COL27A1: variants seen among roughly 807,000 people sequenced by gnomAD.
The protein encoded by COL27A1 is collagen type XXVII alpha 1 chain.
Under a neutral mutation model 251.3 loss-of-function variants are expected in COL27A1, and 106 were observed. The observed-to-expected ratio is 0.42, with a 90% CI of 0.36 to 0.50. The LOEUF (loss-of-function observed/expected upper bound fraction) is 0.50. Among genes scored for constraint, COL27A1 ranks in the 20% least tolerant of loss-of-function variants. COL27A1 has a pLI of 0.00. For synonymous variants in COL27A1, 1,000 were observed against 986.3 expected (o/e 1.01, Z -0.26); for missense variants, 2,325 against 2,522.8 (o/e 0.92, Z 1.68).
At chr9:114,248,495 G>T (rs1588762364) in intron 24 of COL27A1, among the ~76,000 whole-genome samples, 1 of 152,208 alleles carries the variant, frequency 6.6e-6, no homozygotes, top group South Asian at 2.1e-4. Flanking sequence ...TGCCTGTGCG[G>T]TGCCCGCTGT....
chr9:114,286,980 C>G (rs959812311), intron 41 of COL27A1, among the ~76,000 whole-genome samples: 1 of 152,320 alleles, frequency 6.6e-6, no homozygotes. Flanking sequence ...TAGGTAGACA[C>G]AGGCAGGCCC....
intron 25 of COL27A1, among the ~76,000 whole-genome samples, chr9:114,252,032 C>T (rs567444493): frequency 1.1e-4 from 17 of 152,324 alleles, no homozygotes; most frequent in East Asian, 3.9e-4. Context: ...CAGAGCCTCA[C>T]GAAAACAGAG....
At chr9:114,282,374 G>A (rs62555441) in intron 38 of COL27A1, 44 bp downstream of exon 38, 145,393 of 1,609,126 alleles carry the variant, frequency 0.09, 7,076 homozygotes, top group Non-Finnish European at 0.1. Flanking sequence ...TCCCTCCCCC[G>A]CATCCCTTCC....
intron 12 of COL27A1, 124 bp from the exon 13 acceptor site, chr9:114,219,667 C>T (rs1830944478): frequency 2.8e-6 from 2 of 710,136 alleles, no homozygotes; most frequent in African/African-American, 3.5e-5. Context: ...ACTGTCTGCC[C>T]ATGACCAAGG....
chr9:114,234,971 G>A (rs529652360), intron 16 of COL27A1, among the ~76,000 whole-genome samples: 41 of 151,552 alleles, frequency 2.7e-4, no homozygotes, highest in African/African-American at 9.7e-4. Flanking sequence ...CCCAGCTACT[G>A]GGGAGGCTGA....
At chr9:114,304,342 G>A (rs1413067216) in intron 56 of COL27A1, among the ~76,000 whole-genome samples, 2 of 152,238 alleles carry the variant, frequency 1.3e-5, no homozygotes, top group Non-Finnish European at 2.9e-5. Flanking sequence ...CATGGCTCAA[G>A]ACCACAGTGT....
chr9:114,226,029 C>T (rs1038136185), intron 14 of COL27A1, among the ~76,000 whole-genome samples: 1 of 152,152 alleles, frequency 6.6e-6, no homozygotes, highest in East Asian at 1.9e-4. Flanking sequence ...AGAGGGCCTC[C>T]ACACAGCCCT....
At chr9:114,247,868 C>T (rs980984458) in intron 24 of COL27A1, among the ~76,000 whole-genome samples, 2 of 152,128 alleles carry the variant, frequency 1.3e-5, no homozygotes, top group South Asian at 2.1e-4. Flanking sequence ...AGTACTGGGT[C>T]GGTGCAAAAG....
At chr9:114,213,913 G>T (rs1210577255) in intron 12 of COL27A1, among the ~76,000 whole-genome samples, 1 of 152,152 alleles carries the variant, frequency 6.6e-6, no homozygotes, top group Non-Finnish European at 1.5e-5. Context: ...GTTGTTCCCT[G>T]GCACTGGGGT....
At chr9:114,222,479 G>T (rs897741457) in intron 14 of COL27A1, among the ~76,000 whole-genome samples, 1 of 152,156 alleles carries the variant, frequency 6.6e-6, no homozygotes, top group South Asian at 2.1e-4. Context: ...GCGGCTGAGG[G>T]AGGAGAGCCC....
Position 114,307,857 on chromosome 9 carries a change from T to C in COL27A1, c.5217+79T>C, listed in dbSNP as rs1588908174. 2.6e-5 allele frequency: 26 copies of C among 1,003,836 alleles called. No homozygotes were observed. In the East Asian group the frequency reaches 6.2e-4, roughly 24 times the overall value. The allele number at this position is 1,003,836 out of a possible 1,614,324, so 62.2% of individuals were successfully genotyped here. A position where few individuals can be genotyped will look rare whatever the true frequency, so the allele number is the denominator to read the frequency against. On this transcript the variant is annotated intron_variant, in intron 59 of 60. Transcript: ENST00000356083. The stretch of plus-strand genomic sequence containing the variant: ...TGCCCTGGGCCACAACCAACCCAGG[T>C]TCTGTTCTGAGCTGTGCCTGTCTTA...
At position 114,300,642 on chromosome 9, in the gene COL27A1, T is replaced by G; in HGVS notation, c.4656T>G (p.Ile1552Met). The G allele has an allele frequency of 6.5e-7, 1 of 1,530,470 alleles. No individual in the cohort carries two copies. The highest frequency in any genetic ancestry group is 8.8e-7 in the Non-Finnish European group (1 of 1,142,512). 94.8% of individuals were successfully genotyped at this position (1,530,470 alleles called of 1,614,324 possible). A position where few individuals can be genotyped will look rare whatever the true frequency, so the allele number is the denominator to read the frequency against. The change falls in exon 51 of 61, where the codon ATT (isoleucine) becomes ATG (methionine). Residue 1552 changes from isoleucine to methionine, a missense_variant. Physicochemically the swap from Ile to Met is conservative, Grantham distance 10. Transcript: ENST00000356083. The part of the protein sequence containing the change: ...LFGPKGPPGD[I>M]GFKGIQGPRG... ...TCCCACAGGGCCCGCCTGGAGACATTGGCTTCAAAGGCATCCAGGGCCCTC... is the reference window on the plus strand; with the variant it reads ...TCCCACAGGGCCCGCCTGGAGACATGGGCTTCAAAGGCATCCAGGGCCCTC...
intron 16 of COL27A1, 59 bp downstream of exon 16, chr9:114,231,925 C>A: frequency 6.5e-7 from 1 of 1,541,100 alleles, no homozygotes. Flanking sequence ...CCCCTCTCCG[C>A]CCGGAGGCTG....
chr9:114,216,913 C>G (rs1326519408), intron 12 of COL27A1, among the ~76,000 whole-genome samples: 1 of 152,146 alleles, frequency 6.6e-6, no homozygotes, highest in Non-Finnish European at 1.5e-5. Context: ...TAGGCTGGTT[C>G]TAGTTCATCT....
At chr9:114,243,199 A>AC (rs1025725031) in intron 22 of COL27A1, among the ~76,000 whole-genome samples, 1 of 151,750 alleles carries the variant, frequency 6.6e-6, no homozygotes, top group African/African-American at 2.4e-5. Context: ...CCTTCCCTGC[A>AC]CCCCCCGATC....
intron 12 of COL27A1, among the ~76,000 whole-genome samples, chr9:114,213,616 C>G (rs1356879083): frequency 6.6e-6 from 1 of 152,120 alleles, no homozygotes; most frequent in Non-Finnish European, 1.5e-5. Flanking sequence ...CGATGAATAA[C>G]CAGAAGAAGG....
intron 5 of COL27A1, among the ~76,000 whole-genome samples, chr9:114,190,097 G>A (rs1386900177): frequency 1.3e-5 from 2 of 152,174 alleles, no homozygotes; most frequent in African/African-American, 4.8e-5. Flanking sequence ...TCTGGGGCAG[G>A]AGCCAGATTT....
In COL27A1 at chr9:114,290,150, G is replaced by C. The variant is rs760041229; in HGVS notation, c.4260+39G>C. On this transcript the variant is annotated intron_variant, in intron 46 of 60. Coordinates refer to ENST00000356083, the MANE Select transcript of COL27A1 (RefSeq NM_032888.4). The surrounding 1 kb of genome is among the most constrained non-coding windows in gnomAD (Gnocchi z 4.6). ...GCTGCTGTTTCCAGCCAACCTCCCT[G>C]CCCGCCCCCCACACCCGCCCTCCTC... is the stretch of plus-strand genomic sequence containing the variant. The C allele has an allele frequency of 1.5e-5, 24 of 1,593,602 alleles. No homozygotes were observed. In the East Asian group the frequency reaches 5.0e-4, roughly 33 times the overall value.
chr9:114,175,742 C>G (rs1255936868), intron 3 of COL27A1, among the ~76,000 whole-genome samples: 2 of 152,188 alleles, frequency 1.3e-5, no homozygotes, highest in Admixed American at 1.3e-4. Context: ...TCTGCAGCTG[C>G]AGCCCCACCA....
Sources: gnomAD v4.1 joint callset for allele counts (sites outside exome capture counted in the v4.1 genomes callset) on GRCh38, gnomAD v4.1.1 for gene constraint, Gnocchi (gnomAD v3.1) non-coding constraint, MANE v1.5 for transcripts, NCBI Gene and HGNC (gene_info 2026-07-23, HGNC 2026-07-21) for gene names.